Variants in PDE4D observed in about 807,000 individuals in gnomAD.
PDE4D encodes the protein 3',5'-cyclic-AMP phosphodiesterase 4D.
Under a neutral mutation model 87.4 loss-of-function variants are expected in PDE4D, and 24 were observed. The ratio of observed to expected loss-of-function variants is 0.27; its 90% confidence interval spans 0.20 to 0.39. PDE4D has a LOEUF of 0.39. Among genes scored for constraint, PDE4D ranks in the 10% least tolerant of loss-of-function variants. PDE4D has a pLI of 1.00. For synonymous variants in PDE4D, 384 were observed against 383.2 expected (o/e 1.00, Z -0.02); for missense variants, 714 against 1,041.0 (o/e 0.69, Z 4.32).
In PDE4D at chr5:59,621,805, C is replaced by G. The variant is rs180930835; in HGVS notation, c.455+271363G>C. On this transcript the variant is annotated intron_variant, in intron 1 of 14. Transcript: ENST00000340635. ...CCTTACCTGATAAATCAGCAAAGAA[C>G]AAGAATATGATGCTAAATTAGTCTG... Among the ~76,000 whole-genome samples, 5 of 152,210 alleles carry G rather than the reference C, an allele frequency of 3.3e-5. No homozygotes were observed. The East Asian group carries it at 5.8e-4, about 18-fold the overall frequency.
intron 1 of PDE4D, among the ~76,000 whole-genome samples, chr5:60,447,372 T>C (rs1302641014): frequency 6.6e-6 from 1 of 152,166 alleles, no homozygotes; most frequent in Non-Finnish European, 1.5e-5. Flanking sequence ...AAGCATAATT[T>C]GCAACGGAAA....
chr5:60,458,281 G>A (rs1246205208), intron 1 of PDE4D, among the ~76,000 whole-genome samples: 1 of 151,440 alleles, frequency 6.6e-6, no homozygotes, highest in Non-Finnish European at 1.5e-5. Flanking sequence ...CAGCTACTCA[G>A]GAGGCTGAGG....
intron 1 of PDE4D, among the ~76,000 whole-genome samples, chr5:59,870,709 A>G (rs888067198): frequency 6.6e-6 from 1 of 152,144 alleles, no homozygotes; most frequent in African/African-American, 2.4e-5. Flanking sequence ...TGGGATCACA[A>G]ACGATTTGCT....
chr5:59,195,853 T>C (rs145945349), intron 2 of PDE4D, among the ~76,000 whole-genome samples: 1 of 152,334 alleles, frequency 6.6e-6, no homozygotes, highest in Admixed American at 6.5e-5. Context: ...GATTTTTGCT[T>C]TCCTATGCAG....
intron 9 of PDE4D, among the ~76,000 whole-genome samples, chr5:58,990,553 C>T (rs965174587): frequency 1.2e-4 from 18 of 152,120 alleles, no homozygotes; most frequent in Non-Finnish European, 2.5e-4. Context: ...TAATAAATTG[C>T]TTCAATTTGG....
At chr5:60,396,768 C>T (rs1267518409) in intron 1 of PDE4D, among the ~76,000 whole-genome samples, 2 of 152,180 alleles carry the variant, frequency 1.3e-5, no homozygotes, top group Non-Finnish European at 2.9e-5. Context: ...CCAGCTTGGC[C>T]TTAGACAACA....
At position 58,984,180 on chromosome 5, in the gene PDE4D, A is replaced by G. The variant is rs544974375; in HGVS notation, c.1552+4313T>C. Among the ~76,000 whole-genome samples, 3 of 152,360 alleles carry G rather than the reference A, an allele frequency of 2.0e-5. No individual in the cohort carries two copies. In the South Asian group the frequency reaches 6.2e-4, roughly 32 times the overall value. On this transcript the variant is annotated intron_variant, in intron 11 of 14. Transcript: ENST00000340635. ...TTCAGAAACAAACATTTCTCCATGA[A>G]ATGACAGAGGGAAGTGGTGGTTTTA...
At chr5:59,658,007 T>C (rs1052612317) in intron 1 of PDE4D, among the ~76,000 whole-genome samples, 6 of 152,208 alleles carry the variant, frequency 3.9e-5, no homozygotes, top group Non-Finnish European at 5.9e-5. Context: ...CCTCCCTATG[T>C]AAACTTATAA....
chr5:59,131,926 A>G (rs1217424674), intron 5 of PDE4D, among the ~76,000 whole-genome samples: 2 of 152,046 alleles, frequency 1.3e-5, no homozygotes, highest in African/African-American at 2.4e-5. Flanking sequence ...GAGGGTTTTT[A>G]AGGATACATG....
At chr5:60,410,392 G>T (rs1408477364) in intron 1 of PDE4D, among the ~76,000 whole-genome samples, 1 of 151,966 alleles carries the variant, frequency 6.6e-6, no homozygotes, top group Non-Finnish European at 1.5e-5. Context: ...GAAAATCCTG[G>T]AACACAGAGA....
intron 1 of PDE4D, among the ~76,000 whole-genome samples, chr5:60,426,930 G>A (rs1042387227): frequency 2.1e-4 from 32 of 152,140 alleles, no homozygotes; most frequent in African/African-American, 7.7e-4. Context: ...GAACAATTTA[G>A]TGGACAGGTC....
chr5:60,060,835 T>C lies in PDE4D; in HGVS notation c.43-72118A>G, dbSNP rs367975862. Among the ~76,000 whole-genome samples, 7 of 152,210 alleles carry C rather than the reference T, an allele frequency of 4.6e-5. No homozygotes were observed. In the South Asian group the frequency reaches 6.2e-4, roughly 14 times the overall value. ...ACCATGTAATCTTAGAATTTGGTAA[T>C]TGGTATCTCGATAGATGCAGAAAAG... On this transcript the variant is annotated intron_variant, in intron 2 of 16. Transcript: ENST00000502484.
intron 1 of PDE4D, among the ~76,000 whole-genome samples, chr5:60,294,560 T>C (rs1218136403): frequency 2.6e-5 from 4 of 152,164 alleles, no homozygotes; most frequent in Admixed American, 2.6e-4. Flanking sequence ...GGAGTGAAAA[T>C]TTATTTTTTT....
At chr5:59,035,840 G>C (rs895455574) in intron 6 of PDE4D, among the ~76,000 whole-genome samples, 6 of 152,112 alleles carry the variant, frequency 3.9e-5, no homozygotes, top group Non-Finnish European at 7.4e-5. Context: ...ACAAATCTCA[G>C]GCAGATTAAT....
intron 1 of PDE4D, among the ~76,000 whole-genome samples, chr5:59,635,852 C>G (rs770307733): frequency 3.3e-5 from 5 of 152,204 alleles, no homozygotes; most frequent in Non-Finnish European, 5.9e-5. Flanking sequence ...TTTCACCACT[C>G]CTGTTCAACA....
intron 1 of PDE4D, chr5:59,275,408 A>G: frequency 1.3e-6 from 2 of 1,596,410 alleles, no homozygotes; most frequent in Non-Finnish European, 1.7e-6. Flanking sequence ...CTCATTTTGA[A>G]AAAAAATAAA....
At chr5:59,442,171 T>A (rs1797727111) in intron 1 of PDE4D, among the ~76,000 whole-genome samples, 1 of 152,124 alleles carries the variant, frequency 6.6e-6, no homozygotes, top group Non-Finnish European at 1.5e-5. Context: ...AAGATAAGGC[T>A]TTGTGAGAGA....
intron 2 of PDE4D, among the ~76,000 whole-genome samples, chr5:60,104,648 A>C (rs556888502): frequency 6.6e-6 from 1 of 152,064 alleles, no homozygotes; most frequent in Admixed American, 6.5e-5. Context: ...ACGGCCAAGT[A>C]CTCCTCTGAG....
At chr5:59,936,105 G>A (rs531654477) in intron 3 of PDE4D, among the ~76,000 whole-genome samples, 7 of 151,992 alleles carry the variant, frequency 4.6e-5, no homozygotes, top group African/African-American at 9.6e-5. Flanking sequence ...GCAAACTATC[G>A]CAAGGACAAA....
Sources: allele counts gnomAD v4.1 joint callset (sites outside exome capture counted in the v4.1 genomes callset), GRCh38; gene constraint gnomAD v4.1.1; transcripts MANE v1.5; gene names NCBI Gene and HGNC (gene_info 2026-07-23, HGNC 2026-07-21).